PTPRF: variants seen among roughly 807,000 people sequenced by gnomAD.
PTPRF encodes the protein receptor-type tyrosine-protein phosphatase F.
PTPRF carries 59 observed loss-of-function variants against 201.8 expected under a neutral mutation model. That is an observed-to-expected ratio of 0.29 (90% CI 0.24 to 0.36). The LOEUF is 0.36. Ranked by LOEUF, PTPRF falls within the 10% of genes least tolerant of loss-of-function variation. PTPRF has a pLI of 1.00. For synonymous variants in PTPRF, 1,088 were observed against 1,089.7 expected, an observed-to-expected ratio of 1.00 and a Z score of 0.03; for missense variants, 2,132 against 2,690.5, an observed-to-expected ratio of 0.79 and a Z score of 4.59.
rs752315680 is a variant in PTPRF at position 43,619,532 on chromosome 1, C to T, written c.4891C>T (p.Pro1631Ser). ...CCACATCCAGAAGCTGGGCCAAGTGCCTCCAGGGGAGAGTGTGACCGCCAT... is the reference window on the plus strand; with the variant it reads ...CCACATCCAGAAGCTGGGCCAAGTGTCTCCAGGGGAGAGTGTGACCGCCAT... Reference protein sequence around the residue: ...YAHIQKLGQVPPGESVTAMEL... With the variant: ...YAHIQKLGQVSPGESVTAMEL... The change falls in exon 28 of 34, where the codon CCT becomes TCT. Residue 1631 changes from proline to serine, a missense_variant. Transcript: ENST00000359947. The T allele has an allele frequency of 1.9e-5, 31 of 1,613,746 alleles. No homozygotes were observed. The highest frequency in any genetic ancestry group is 2.5e-5 in the Non-Finnish European group (30 of 1,179,888).
intron 5 of PTPRF, among the ~76,000 whole-genome samples, chr1:43,559,152 G>A (rs556074236): frequency 9.8e-5 from 15 of 152,358 alleles, no homozygotes; most frequent in African/African-American, 3.1e-4. Context: ...CATGTTTAAG[G>A]CAGTGTTTGT....
In PTPRF at chr1:43,618,590, T is replaced by C. The variant is rs199500903; in HGVS notation, c.4372-40T>C. 3.2e-6 allele frequency: 5 copies of C among 1,577,436 alleles called. No homozygotes were observed. The East Asian group carries it at 9.1e-5, about 29-fold the overall frequency. On this transcript the variant is annotated intron_variant, in intron 25 of 33. Coordinates refer to ENST00000359947, the MANE Select transcript of PTPRF (RefSeq NM_002840.5). The stretch of plus-strand genomic sequence containing the variant: ...CACCCTGCTTCTGCCCGTCTGAGCC[T>C]GTGGGCTTCCTTCAGCCTGCCCTGC...
chr1:43,614,993 C>A (rs1657399508), intron 23 of PTPRF, among the ~76,000 whole-genome samples: 1 of 152,212 alleles, frequency 6.6e-6, no homozygotes, highest in Non-Finnish European at 1.5e-5. Flanking sequence ...TTCCTCAGCA[C>A]CTGGCACTGG....
intron 2 of PTPRF, among the ~76,000 whole-genome samples, chr1:43,539,251 G>C (rs1303146233): frequency 6.6e-6 from 1 of 152,184 alleles, no homozygotes; most frequent in East Asian, 1.9e-4. Context: ...TGATGGGTTA[G>C]ATGTGTGGGA....
At chr1:43,575,835 G>A in intron 6 of PTPRF, 1 of 1,256,330 alleles carries the variant, frequency 8.0e-7, no homozygotes, top group Non-Finnish European at 1.1e-6. Flanking sequence ...TACCTGATTT[G>A]GCTTTGTGTG....
intron 14 of PTPRF, 70 bp downstream of exon 14, chr1:43,602,167 C>A (rs1653921374): frequency 2.0e-6 from 3 of 1,531,594 alleles, no homozygotes; most frequent in Non-Finnish European, 2.7e-6. Flanking sequence ...TCCTCCTCTC[C>A]CTCCTTTCCT....
At chr1:43,592,212 G>A (rs1286407849) in intron 10 of PTPRF, among the ~76,000 whole-genome samples, 1 of 152,122 alleles carries the variant, frequency 6.6e-6, no homozygotes, top group Non-Finnish European at 1.5e-5. Context: ...ATGACTGGCA[G>A]AGCCCTGAAG....
intron 22 of PTPRF, chr1:43,612,632 C>A: frequency 1.5e-6 from 1 of 660,238 alleles, no homozygotes; most frequent in Non-Finnish European, 2.4e-6. Flanking sequence ...GCCCCCTCCT[C>A]TTCTCCGCCA....
intron 6 of PTPRF, among the ~76,000 whole-genome samples, chr1:43,576,318 C>A (rs1369457762): frequency 6.6e-6 from 1 of 151,888 alleles, no homozygotes; most frequent in Non-Finnish European, 1.5e-5. Context: ...TGCCTTTTCT[C>A]TTGACAGTCT....
intron 18 of PTPRF, 27 bp downstream of exon 18, chr1:43,605,470 C>T (rs748129094): frequency 2.1e-5 from 34 of 1,610,252 alleles, no homozygotes; most frequent in Admixed American, 3.3e-5. Flanking sequence ...TCGGGGGAGG[C>T]GGGGCAGGGC....
chr1:43,591,211 C>A lies in PTPRF; in HGVS notation c.1189C>A (p.Arg397=). 1 of 1,605,216 alleles carries A rather than the reference C, an allele frequency of 6.2e-7. No homozygotes were observed. Residue 397 remains arginine, a synonymous_variant, in exon 9 of 34, where the codon CGA becomes AGA. Transcript: ENST00000359947. ...CGTGCTGGCGGTGAACAGCATCGGG[C>A]GAGGGCCGCCCAGCGAGGCAGTGCG... ...FRVLAVNSIG[R]GPPSEAVRAR... is the part of the protein sequence containing the mutation.
upstream of PTPRF, chr1:43,528,812 A>C (rs1643226786): frequency 1.3e-5 from 2 of 152,250 alleles, no homozygotes; most frequent in African/African-American, 4.8e-5. Context: ...ATGGATCTGG[A>C]GCTCACAGGA....
rs759447676 is a variant in PTPRF at position 43,606,870 on chromosome 1, CCAG to C, written c.3766_3768del (p.Gln1256del). ...AGATCGTGGTCCAGGTGACACCAGC[CCAG>C]CAGCAGGAGGAGCCGGAGATGCTGT... On this transcript the variant is annotated inframe_deletion, in exon 21 of 34. Transcript: ENST00000359947. The C allele has an allele frequency of 3.1e-6, 5 of 1,614,174 alleles. No individual in the cohort carries two copies. In the East Asian group the frequency reaches 1.1e-4, roughly 36 times the overall value.
At chr1:43,587,386 A>G (rs1042706326) in intron 7 of PTPRF, among the ~76,000 whole-genome samples, 1 of 152,176 alleles carries the variant, frequency 6.6e-6, no homozygotes, top group East Asian at 1.9e-4. Context: ...AGAGAAATAC[A>G]TGGATTTGGA....
chr1:43,567,693 C>T (rs1291461389), intron 5 of PTPRF, among the ~76,000 whole-genome samples: 4 of 152,206 alleles, frequency 2.6e-5, no homozygotes, highest in East Asian at 1.9e-4. Flanking sequence ...GCCCCCCAGT[C>T]GCTCTCCCTG....
At chr1:43,581,055 G>A (rs1647473994) in intron 7 of PTPRF, among the ~76,000 whole-genome samples, 1 of 152,228 alleles carries the variant, frequency 6.6e-6, no homozygotes, top group Admixed American at 6.5e-5. Context: ...GGGTCTCTTT[G>A]GAGATCGACT....
chr1:43,547,295 C>G (rs1027391787), intron 3 of PTPRF, among the ~76,000 whole-genome samples: 4 of 152,184 alleles, frequency 2.6e-5, no homozygotes, highest in African/African-American at 7.2e-5. Flanking sequence ...CATGCTGGTT[C>G]CTTAGGAACC....
chr1:43,581,296 G>A (rs769394690), intron 7 of PTPRF, among the ~76,000 whole-genome samples: 4 of 152,176 alleles, frequency 2.6e-5, no homozygotes, highest in Non-Finnish European at 5.9e-5. Context: ...GGTTCCTTTA[G>A]TTCCAGCCCC....
chr1:43,581,299 C>T (rs1647550636), intron 7 of PTPRF, among the ~76,000 whole-genome samples: 1 of 152,196 alleles, frequency 6.6e-6, no homozygotes, highest in Non-Finnish European at 1.5e-5. Flanking sequence ...TCCTTTAGTT[C>T]CAGCCCCACT....
Sources: gnomAD v4.1 joint callset for allele counts (sites outside exome capture counted in the v4.1 genomes callset) on GRCh38, gnomAD v4.1.1 for gene constraint, MANE v1.5 for transcripts, NCBI Gene and HGNC (gene_info 2026-07-23, HGNC 2026-07-21) for gene names.